The following NT5DC3 variants were observed in gnomAD, a reference collection of about 807,000 sequenced individuals.
NT5DC3 encodes 5'-nucleotidase domain-containing protein 3.
Under a neutral mutation model 67.8 loss-of-function variants are expected in NT5DC3, and 42 were observed. The observed-to-expected ratio is 0.62, with a 90% CI of 0.48 to 0.80. The LOEUF (loss-of-function observed/expected upper bound fraction) is 0.80. NT5DC3 is among the 30% of genes least tolerant of loss of function. NT5DC3 has a pLI of 0.00. For missense variants in NT5DC3, 570 were observed against 696.4 expected (o/e 0.82, Z 2.04); for synonymous variants, 237 against 255.6 (o/e 0.93, Z 0.69).
At chr12:103,746,843 G>C in the NT5DC3 span, 1 of 747,192 alleles carries the variant, frequency 1.3e-6, no homozygotes, top group South Asian at 1.6e-5. Flanking sequence ...CTATGACTCA[G>C]TTTCTTTAAT....
chr12:103,822,458 T>C (rs917539026), intron 1 of NT5DC3, among the ~76,000 whole-genome samples: 17 of 152,238 alleles, frequency 1.1e-4, no homozygotes, highest in Non-Finnish European at 2.2e-4. Context: ...GTAAACACAG[T>C]TAACAGTAGA....
chr12:103,749,439 T>C, the NT5DC3 span, among the ~76,000 whole-genome samples: 10 of 152,254 alleles, frequency 6.6e-5, no homozygotes, highest in East Asian at 1.4e-3. Context: ...TATAGTTATG[T>C]TGGACATCAG....
chr12:103,749,136 A>C, the NT5DC3 span: 1 of 1,605,088 alleles, frequency 6.2e-7, no homozygotes, highest in Admixed American at 1.7e-5. Context: ...CGAGCACGCC[A>C]CCTGTAAGAT....
intron 1 of NT5DC3, among the ~76,000 whole-genome samples, chr12:103,828,072 C>T (rs4964629): frequency 0.72 from 109,682 of 152,184 alleles, 39,870 homozygotes; most frequent in East Asian, 0.9. Flanking sequence ...CAAAGGGATA[C>T]TGACAAACTA....
chr12:103,819,506 A>G (rs1307898655), intron 1 of NT5DC3: 1 of 152,226 alleles, frequency 6.6e-6, no homozygotes, highest in Non-Finnish European at 1.5e-5. Context: ...CTATACAATC[A>G]GTACAAAGAA....
downstream of NT5DC3, among the ~76,000 whole-genome samples, chr12:103,765,812 G>GATT (rs915002878): frequency 5.6e-4 from 86 of 152,326 alleles, no homozygotes; most frequent in African/African-American, 2.0e-3. Flanking sequence ...GAAGTGCTGG[G>GATT]ATTACAGGCG....
chr12:103,783,444 G>A (rs1885640209), intron 12 of NT5DC3, among the ~76,000 whole-genome samples: 1 of 152,196 alleles, frequency 6.6e-6, no homozygotes, highest in Non-Finnish European at 1.5e-5. Flanking sequence ...AAATGGCAGT[G>A]ATGTTTCAGA....
intron 1 of NT5DC3, among the ~76,000 whole-genome samples, chr12:103,826,872 T>C (rs1403472600): frequency 6.6e-6 from 1 of 152,236 alleles, no homozygotes; most frequent in Admixed American, 6.5e-5. Flanking sequence ...ATTTCTTTTA[T>C]TTTGGATAAT....
At chr12:103,781,187 G>A (rs779094585) in intron 12 of NT5DC3, among the ~76,000 whole-genome samples, 5 of 152,114 alleles carry the variant, frequency 3.3e-5, no homozygotes, top group African/African-American at 4.8e-5. Context: ...GCACATGATC[G>A]CAGGGAACAG....
the NT5DC3 span, among the ~76,000 whole-genome samples, chr12:103,757,203 C>A: frequency 6.6e-6 from 1 of 151,706 alleles, no homozygotes; most frequent in African/African-American, 2.4e-5. Context: ...CTCCTCCCAC[C>A]CCAGCCTCCA....
chr12:103,788,783 A>G, intron 10 of NT5DC3, 55 bp downstream of exon 10: 13 of 1,125,780 alleles, frequency 1.2e-5, no homozygotes, highest in Non-Finnish European at 1.8e-5. Context: ...AGCTATTAGC[A>G]TTATTACCGA....
chr12:103,811,825 C>A (rs1049059886), intron 2 of NT5DC3, among the ~76,000 whole-genome samples: 3 of 152,088 alleles, frequency 2.0e-5, no homozygotes, highest in African/African-American at 7.2e-5. Flanking sequence ...TATTTGCAAC[C>A]TTTCCGTAAG....
the NT5DC3 span, among the ~76,000 whole-genome samples, chr12:103,760,094 C>T: frequency 2.6e-5 from 4 of 152,174 alleles, no homozygotes; most frequent in African/African-American, 9.7e-5. Flanking sequence ...TCCCAGTCTC[C>T]AGTAAGGATG....
the NT5DC3 span, among the ~76,000 whole-genome samples, chr12:103,750,079 A>G: frequency 6.6e-6 from 1 of 152,030 alleles, no homozygotes; most frequent in African/African-American, 2.4e-5. Flanking sequence ...GACATCATAG[A>G]GTTGTTGTGG....
intron 1 of NT5DC3, among the ~76,000 whole-genome samples, chr12:103,816,188 A>G (rs1684627912): frequency 6.6e-6 from 1 of 152,218 alleles, no homozygotes. Flanking sequence ...GTTTGGGAAC[A>G]GGACCATTTT....
At chr12:103,758,273 G>C in the NT5DC3 span, 1 of 1,613,782 alleles carries the variant, frequency 6.2e-7, no homozygotes, top group Non-Finnish European at 8.5e-7. Context: ...CAGAACAGTG[G>C]GCTGGGGGAG....
chr12:103,805,823 G>C (rs911645617), intron 4 of NT5DC3, among the ~76,000 whole-genome samples: 6 of 144,108 alleles, frequency 4.2e-5, no homozygotes, highest in Non-Finnish European at 9.0e-5. Context: ...TGCAGCCTGG[G>C]CATCACAGCG....
downstream of NT5DC3, chr12:103,771,392 T>C (rs1473988403): frequency 6.6e-6 from 1 of 151,930 alleles, no homozygotes; most frequent in African/African-American, 2.4e-5. Context: ...TATAAAAGAG[T>C]TTCTAGGCTT....
intron 13 of NT5DC3, among the ~76,000 whole-genome samples, chr12:103,778,844 T>C (rs1373536334): frequency 6.6e-6 from 1 of 151,042 alleles, no homozygotes; most frequent in African/African-American, 2.4e-5. Context: ...AGCCTGCCTA[T>C]CCATCCATCA....
Sources: allele counts gnomAD v4.1 joint callset (sites outside exome capture counted in the v4.1 genomes callset), GRCh38; gene constraint gnomAD v4.1.1; transcripts MANE v1.5; gene names NCBI Gene and HGNC (gene_info 2026-07-23, HGNC 2026-07-21).